The following COL18A1 variants were observed in gnomAD, a reference collection of about 807,000 sequenced individuals.
COL18A1 encodes collagen alpha-1(XVIII) chain.
COL18A1 carries 133 observed loss-of-function variants against 168.0 expected under a neutral mutation model. The observed-to-expected ratio is 0.79, with a 90% confidence interval of 0.69 to 0.91. The LOEUF (loss-of-function observed/expected upper bound fraction) is 0.91. Ranked by LOEUF, COL18A1 falls within the 40% of genes least tolerant of loss-of-function variation. COL18A1 has a pLI of 0.00. For missense variants in COL18A1, 2,126 were observed against 1,925.4 expected (o/e 1.10, Z -1.95); for synonymous variants, 949 against 809.0 (o/e 1.17, Z -2.94).
intron 4 of COL18A1, among the ~76,000 whole-genome samples, chr21:45,474,963 CG>C (rs1414447487): frequency 6.6e-6 from 1 of 152,202 alleles, no homozygotes; most frequent in Non-Finnish European, 1.5e-5. Flanking sequence ...TTGCTGGGTG[CG>C]GGGGGTCGCC....
At chr21:45,430,309 G>A (rs917603648) in intron 2 of COL18A1, among the ~76,000 whole-genome samples, 1 of 152,228 alleles carries the variant, frequency 6.6e-6, no homozygotes, top group Non-Finnish European at 1.5e-5. Flanking sequence ...GAACTCTGTG[G>A]TGGTCAGAGC....
In COL18A1 at chr21:45,505,432, G is replaced by A; in HGVS notation, c.3087+1G>A. The A allele has an allele frequency of 6.5e-7, 1 of 1,530,442 alleles. No homozygotes were observed. The highest frequency in any genetic ancestry group is 1.2e-5 in the South Asian group (1 of 86,910). The allele number at this position is 1,530,442 out of a possible 1,614,324, so 94.8% of individuals were successfully genotyped here. The stretch of plus-strand genomic sequence containing the variant: ...TGGAACCATGGGCGCCTCCTCAGGG[G>A]TAAGTGTCTGGGCAGCCGGCTGGGC... On this transcript the variant is annotated splice_donor_variant, in intron 36 of 41. Coordinates refer to ENST00000651438, the MANE Select transcript of COL18A1 (RefSeq NM_001379500.1). LOFTEE classifies it high-confidence loss of function.
chr21:45,413,663 C>T (rs1271504447), intron 2 of COL18A1, among the ~76,000 whole-genome samples: 2 of 152,238 alleles, frequency 1.3e-5, no homozygotes, highest in South Asian at 2.1e-4. Context: ...AAGAAGGAAG[C>T]GTCCATGGAT....
At chr21:45,488,386 G>A in intron 17 of COL18A1, 32 bp from the exon 18 acceptor site, 1 of 1,613,684 alleles carries the variant, frequency 6.2e-7, no homozygotes, top group Non-Finnish European at 8.5e-7. Flanking sequence ...GCCTCCAGCT[G>A]CACTAACACT....
intron 24 of COL18A1, 103 bp from the exon 25 acceptor site, chr21:45,493,060 G>C: frequency 8.2e-7 from 1 of 1,223,048 alleles, no homozygotes; most frequent in Non-Finnish European, 1.2e-6. Context: ...GGGCTGTCGA[G>C]GCAGGCATAT....
chr21:45,420,115 G>A (rs540015242), intron 2 of COL18A1: 3 of 152,410 alleles, frequency 2.0e-5, no homozygotes, highest in Non-Finnish European at 2.9e-5. Flanking sequence ...TCCTGCCTGA[G>A]TGTGCAGCAG....
intron 32 of COL18A1, 123 bp from the exon 33 acceptor site, chr21:45,503,888 C>T (rs758118550): frequency 5.0e-5 from 46 of 919,936 alleles, no homozygotes; most frequent in Admixed American, 1.9e-4. Flanking sequence ...ATTAAATACG[C>T]GATCTCTACC....
intron 32 of COL18A1, among the ~76,000 whole-genome samples, chr21:45,501,965 G>A (rs530576000): frequency 3.8e-5 from 3 of 78,350 alleles, no homozygotes; most frequent in South Asian, 3.9e-4. Flanking sequence ...CTCCGCAGCC[G>A]GTCACCTCCC....
chr21:45,411,759 CGGGGGGTG>C (rs1159526671), intron 2 of COL18A1, among the ~76,000 whole-genome samples: 2 of 7,582 alleles, frequency 2.6e-4, no homozygotes, highest in African/African-American at 1.8e-3. Context: ...GGGCTGATGG[CGGGGGGTG>C]GGGGGGGGGC....
At chr21:45,500,955 G>T (rs201552422) in intron 32 of COL18A1, among the ~76,000 whole-genome samples, 4 of 20,612 alleles carry the variant, frequency 1.9e-4, no homozygotes, top group Admixed American at 4.6e-4. Flanking sequence ...GGTGTGGTTT[G>T]GTGTGTGTGT....
intron 32 of COL18A1, 33 bp from the exon 33 acceptor site, chr21:45,503,978 C>G: frequency 6.2e-7 from 1 of 1,612,996 alleles, no homozygotes; most frequent in South Asian, 1.1e-5. Flanking sequence ...CAGACACCAC[C>G]TCAGCGAGAC....
Position 45,497,042 on chromosome 21 carries a change from C to G in COL18A1, c.2578-8C>G, listed in dbSNP as rs1432319085. ...CCCTCAGCAGCCGCCTCTCCCCGTT[C>G]CTTGCAGGTGTTTGCTGAGTCCAGC... On this transcript the variant is annotated splice_polypyrimidine_tract_variant and splice_region_variant and intron_variant, in intron 30 of 41. Coordinates refer to ENST00000651438, the MANE Select transcript of COL18A1 (RefSeq NM_001379500.1). 1 of 1,600,498 alleles carries G rather than the reference C, an allele frequency of 6.2e-7. No individual in the cohort carries two copies.
intron 24 of COL18A1, 31 bp downstream of exon 24, chr21:45,492,744 G>GCCCGCCATTGCCCT: frequency 6.4e-6 from 10 of 1,551,336 alleles, no homozygotes; most frequent in Non-Finnish European, 8.8e-6. Flanking sequence ...GCTGCATGCT[G>GCCCGCCATTGCCCT]CCCGGCTGGG....
At chr21:45,461,593 C>G (rs181214391) in intron 2 of COL18A1, among the ~76,000 whole-genome samples, 301 of 150,912 alleles carry the variant, frequency 2.0e-3, no homozygotes, top group African/African-American at 7.4e-3. Flanking sequence ...TGCTGGGCCC[C>G]CCTCGAGGCT....
At chr21:45,453,215 TG>T (rs2034688558) in intron 2 of COL18A1, among the ~76,000 whole-genome samples, 1 of 152,254 alleles carries the variant, frequency 6.6e-6, no homozygotes, top group Non-Finnish European at 1.5e-5. Context: ...CATGTGAGCA[TG>T]TATGTACATG....
At position 45,497,077 on chromosome 21, in the gene COL18A1, C is replaced by T. The variant is rs747905054; in HGVS notation, c.2605C>T (p.Pro869Ser). ...NVFAESSRPG[P>S]PGLPGNQGPP... ...GTTTGCTGAGTCCAGCCGCCCCGGG[C>T]CTCCAGGATTGCCAGGTGAGGGTCC... The change falls in exon 31 of 42, where the codon CCT (proline) becomes TCT (serine). Residue 869 changes from proline (P) to serine (S), a missense_variant. Physicochemically the swap from Pro to Ser is moderately conservative, Grantham distance 74 (BLOSUM62 -1). Coordinates refer to ENST00000651438, the MANE Select transcript of COL18A1 (RefSeq NM_001379500.1). 6.3e-7 allele frequency: 1 copy of T among 1,598,456 alleles called. No homozygotes were observed. Among genetic ancestry groups the T allele is most frequent in the Non-Finnish European group, 8.5e-7 (1 of 1,172,800 alleles).
chr21:45,411,776 GC>G (rs1354517484), intron 2 of COL18A1, among the ~76,000 whole-genome samples: 6 of 114,224 alleles, frequency 5.3e-5, no homozygotes, highest in East Asian at 5.3e-4. Context: ...TGGGGGGGGG[GC>G]AGGCTGTGGT....
chr21:45,507,853 C>A (rs1456980029), intron 38 of COL18A1, among the ~76,000 whole-genome samples: 1 of 152,232 alleles, frequency 6.6e-6, no homozygotes, highest in Non-Finnish European at 1.5e-5. Flanking sequence ...GTTGTGTCTG[C>A]CGCTCATTGC....
chr21:45,436,186 G>A (rs1417440276), intron 2 of COL18A1, among the ~76,000 whole-genome samples: 6 of 152,328 alleles, frequency 3.9e-5, no homozygotes, highest in Non-Finnish European at 7.4e-5. Flanking sequence ...GAATGCCCAC[G>A]TGGGTGACAG....
Sources: gnomAD v4.1 joint callset for allele counts (sites outside exome capture counted in the v4.1 genomes callset) on GRCh38, gnomAD v4.1.1 for gene constraint, MANE v1.5 for transcripts, NCBI Gene and HGNC (gene_info 2026-07-23, HGNC 2026-07-21) for gene names.